The following LRRC49 variants were observed in gnomAD, a reference collection of about 807,000 sequenced individuals.
The protein encoded by LRRC49 is leucine-rich repeat-containing protein 49.
LRRC49 carries 50 observed loss-of-function variants against 83.3 expected under a neutral mutation model. The observed-to-expected ratio is 0.60, with a 90% CI of 0.48 to 0.76. LRRC49 has a LOEUF of 0.76. LRRC49 is among the 30% of genes least tolerant of loss of function. LRRC49 has a pLI of 0.00. For synonymous variants in LRRC49, 286 were observed against 283.3 expected (o/e 1.01, Z -0.10); for missense variants, 704 against 809.1 (o/e 0.87, Z 1.58).
intron 2 of LRRC49, among the ~76,000 whole-genome samples, chr15:70,894,187 C>T (rs977613992): frequency 6.6e-6 from 1 of 152,234 alleles, no homozygotes; most frequent in Non-Finnish European, 1.5e-5. Context: ...ACAGCCACCG[C>T]ACCCAGTGAT....
chr15:70,876,565 A>G (rs1306863960), intron 2 of LRRC49, among the ~76,000 whole-genome samples: 2 of 152,230 alleles, frequency 1.3e-5, no homozygotes, highest in Admixed American at 6.5e-5. Context: ...AATTGAAATC[A>G]GCACCTTTCT....
At chr15:70,892,113 A>T (rs1460584440), upstream of LRRC49, 2 of 1,614,014 alleles carry the variant, frequency 1.2e-6, no homozygotes, top group Middle Eastern at 1.7e-4. Flanking sequence ...TGGTCAGAGC[A>T]GATGACCGAG....
rs2036000890 is a variant in LRRC49, at chr15:70,946,149, TATACA to T, written c.773+9333_773+9337del. On this transcript the variant is annotated intron_variant, in intron 8 of 15. Transcript: ENST00000260382. The stretch of plus-strand genomic sequence containing the variant: ...ATTTAAAGTCTTAGCAGTTTTCAAG[TATACA>T]ATACATTGTTATTAAATATAATCAC... 2.6e-5 allele frequency among the ~76,000 whole-genome samples: 4 copies of T among 152,304 alleles called. No homozygotes were observed. In the South Asian group the frequency reaches 8.3e-4, roughly 32 times the overall value.
intron 4 of LRRC49, among the ~76,000 whole-genome samples, chr15:70,901,791 C>T (rs1420142372): frequency 6.6e-6 from 1 of 152,050 alleles, no homozygotes; most frequent in Non-Finnish European, 1.5e-5. Flanking sequence ...TAGAACAGAA[C>T]CTGGTACAAA....
In LRRC49 at chr15:70,969,100, G is replaced by A. The variant is rs866217773; in HGVS notation, c.921+5168G>A. On this transcript the variant is annotated intron_variant, in intron 9 of 15. Transcript: ENST00000260382. ...GGTATTGCCTAGGTTTTCTTCTAGG[G>A]TTTTCATGGTTTTAGGTCTTAAGTT... Among the ~76,000 whole-genome samples the A allele has an allele frequency of 2.0e-5, 3 of 152,084 alleles. No individual in the cohort carries two copies. In the South Asian group the frequency reaches 6.2e-4, roughly 32 times the overall value.
At chr15:70,860,294 C>CG (rs962071804) in intron 1 of LRRC49, 4 of 531,374 alleles carry the variant, frequency 7.5e-6, no homozygotes, top group African/African-American at 5.8e-5. Flanking sequence ...AGCCCACCCG[C>CG]GGGGGAGTTT....
chr15:70,987,277 G>T (rs2037662592), intron 11 of LRRC49, among the ~76,000 whole-genome samples: 1 of 152,096 alleles, frequency 6.6e-6, no homozygotes, highest in African/African-American at 2.4e-5. Flanking sequence ...GACTCTTTTT[G>T]GTTGGTAAGC....
In LRRC49 at chr15:70,919,123, A is replaced by G. The variant is rs781493528; in HGVS notation, c.641A>G (p.His214Arg). Residue 214 changes from histidine to arginine, a missense_variant, in exon 7 of 16, where the codon CAT becomes CGT. Coordinates refer to ENST00000260382, the MANE Select transcript of LRRC49 (RefSeq NM_017691.5). ...AATCTTGCCAGGAACTTTTTAAGTC[A>G]TGTTGATAATCTTAATGGGCTGGAT... The part of the protein sequence containing the change: ...VLNLARNFLS[H>R]VDNLNGLDSL... 21 of 1,612,454 alleles carry G rather than the reference A, an allele frequency of 1.3e-5. No homozygotes were observed. Among genetic ancestry groups the G allele is most frequent in the Non-Finnish European group, 1.7e-5 (20 of 1,178,762 alleles).
intron 8 of LRRC49, among the ~76,000 whole-genome samples, chr15:70,953,760 A>G (rs1246155256): frequency 6.6e-6 from 1 of 152,148 alleles, no homozygotes; most frequent in African/African-American, 2.4e-5. Flanking sequence ...CAAATGAGTT[A>G]CAGGTTTGGT....
At chr15:71,004,177 G>C (rs1253440024) in intron 11 of LRRC49, among the ~76,000 whole-genome samples, 1 of 152,092 alleles carries the variant, frequency 6.6e-6, no homozygotes, top group Admixed American at 6.6e-5. Flanking sequence ...CTCATCTCCA[G>C]CTCCTACTCC....
At chr15:71,027,005 G>A (rs759202501) in intron 14 of LRRC49, among the ~76,000 whole-genome samples, 10 of 152,168 alleles carry the variant, frequency 6.6e-5, no homozygotes, top group Non-Finnish European at 1.5e-4. Flanking sequence ...TTTTAGTCAT[G>A]AAGTCTTTGC....
chr15:70,889,131 T>C (rs1380078272), upstream of LRRC49, among the ~76,000 whole-genome samples: 2 of 152,172 alleles, frequency 1.3e-5, no homozygotes, highest in Non-Finnish European at 2.9e-5. Context: ...AAAACACATA[T>C]ACAAGAGTTT....
chr15:71,027,893 GA>G (rs2039226905), intron 14 of LRRC49, among the ~76,000 whole-genome samples: 1 of 152,180 alleles, frequency 6.6e-6, no homozygotes, highest in African/African-American at 2.4e-5. Flanking sequence ...TCTGCAAACA[GA>G]AACAATTTGA....
At chr15:70,960,776 T>G (rs2036577264) in intron 8 of LRRC49, among the ~76,000 whole-genome samples, 1 of 152,180 alleles carries the variant, frequency 6.6e-6, no homozygotes, top group South Asian at 2.1e-4. Flanking sequence ...TTTTACTAAA[T>G]TAACTCAAAA....
At chr15:70,970,527 T>C (rs1223229200) in intron 9 of LRRC49, among the ~76,000 whole-genome samples, 1 of 152,184 alleles carries the variant, frequency 6.6e-6, no homozygotes, top group Non-Finnish European at 1.5e-5. Context: ...GTCCCTCTTT[T>C]TCTATTGTTT....
intron 5 of LRRC49, chr15:70,907,934 G>C (rs1229447797): frequency 2.2e-6 from 1 of 455,924 alleles, no homozygotes; most frequent in African/African-American, 2.0e-5. Flanking sequence ...AATCTGACCA[G>C]TAGGGGCCTT....
intron 14 of LRRC49, among the ~76,000 whole-genome samples, chr15:71,022,426 G>A (rs543800013): frequency 2.0e-5 from 3 of 152,124 alleles, no homozygotes; most frequent in African/African-American, 7.2e-5. Context: ...ATAAAAAAAT[G>A]AAGTTCAACT....
intron 5 of LRRC49, among the ~76,000 whole-genome samples, chr15:70,910,422 A>G (rs565661587): frequency 6.6e-6 from 1 of 152,256 alleles, no homozygotes; most frequent in African/African-American, 2.4e-5. Context: ...CATGTATATT[A>G]TTCAATGGAT....
intron 8 of LRRC49, among the ~76,000 whole-genome samples, chr15:70,951,118 GTTTCTGT>G (rs200848119): frequency 0.016 from 2,425 of 152,078 alleles, 39 homozygotes; most frequent in Non-Finnish European, 0.026. Context: ...ATTGGTCCAT[GTTTCTGT>G]TTTCATACCA....
Sources: gnomAD v4.1 joint callset for allele counts (sites outside exome capture counted in the v4.1 genomes callset) on GRCh38, gnomAD v4.1.1 for gene constraint, MANE v1.5 for transcripts, NCBI Gene and HGNC (gene_info 2026-07-23, HGNC 2026-07-21) for gene names.